Variants in ETFDH observed in about 807,000 individuals in gnomAD.
ETFDH encodes the protein electron transfer flavoprotein-ubiquinone oxidoreductase, mitochondrial.
ETFDH carries 61 observed loss-of-function variants against 73.2 expected under a neutral mutation model. The ratio of observed to expected loss-of-function variants is 0.83; its 90% CI spans 0.68 to 1.03. The LOEUF (loss-of-function observed/expected upper bound fraction) is 1.03, where lower values mean the gene tolerates loss of function less well. Among genes scored for constraint, ETFDH ranks in the 50% least tolerant of loss-of-function variants. The probability of loss-of-function intolerance (pLI) is 0.00; values close to 1 mark genes in which losing one functional copy is unlikely to be tolerated. For missense variants in ETFDH, 685 were observed against 745.0 expected, an observed-to-expected ratio of 0.92 and a Z score of 0.94; for synonymous variants, 243 against 253.3, an observed-to-expected ratio of 0.96 and a Z score of 0.39.
chr4:158,706,878 T>C (rs1297506462), intron 12 of ETFDH, 28 bp downstream of exon 12: 8 of 1,423,924 alleles, frequency 5.6e-6, no homozygotes, highest in Non-Finnish European at 7.9e-6. Flanking sequence ...TTCCTAAATA[T>C]TTGCTTTAAA....
intron 10 of ETFDH, 109 bp from the exon 11 acceptor site, chr4:158,706,080 C>A: frequency 2.5e-6 from 2 of 797,386 alleles, no homozygotes; most frequent in Non-Finnish European, 4.4e-6. Flanking sequence ...GACCTTGTCT[C>A]GAAAAAAGAA....
chr4:158,693,613 T>C (rs543409999), intron 6 of ETFDH, among the ~76,000 whole-genome samples: 1 of 152,336 alleles, frequency 6.6e-6, no homozygotes, highest in Admixed American at 6.5e-5. Context: ...GGTTTGCTGG[T>C]TGTTTCTTTC....
At chr4:158,691,021 TTATAA>T (rs1438632839) in intron 6 of ETFDH, among the ~76,000 whole-genome samples, 4 of 152,186 alleles carry the variant, frequency 2.6e-5, no homozygotes, top group Admixed American at 6.5e-5. Flanking sequence ...AGGCAAGTAG[TTATAA>T]TATGTTTAAA....
Position 158,689,849 on chromosome 4 carries a change from T to C in ETFDH, c.607-499T>C, listed in dbSNP as rs182046943. Among the ~76,000 whole-genome samples, 254 of 151,956 alleles carry C rather than the reference T, an allele frequency of 1.7e-3. 3 individuals are homozygous for C. Among genetic ancestry groups the C allele is most frequent in the Admixed American group, 0.015 (234 of 15,260 alleles). On this transcript the variant is annotated intron_variant, in intron 5 of 12. Transcript: ENST00000511912. ...ATTACACTTTTGACCTATTTTCCCCTTTTTTCTTGCTCCAAAAATAAACTT... is the reference window on the plus strand; with the variant it reads ...ATTACACTTTTGACCTATTTTCCCCCTTTTTCTTGCTCCAAAAATAAACTT...
intron 2 of ETFDH, 80 bp from the exon 3 acceptor site, chr4:158,682,115 A>G: frequency 2.5e-6 from 4 of 1,593,324 alleles, no homozygotes; most frequent in South Asian, 1.1e-5. Flanking sequence ...TCTAAAGCAC[A>G]GTGGATATTT....
chr4:158,702,372 C>CA (rs1334268931), intron 9 of ETFDH, among the ~76,000 whole-genome samples: 2 of 152,026 alleles, frequency 1.3e-5, no homozygotes, highest in African/African-American at 4.8e-5. Context: ...TTATTATAGT[C>CA]ACTCTACAGT....
At chr4:158,708,262 A>G in intron 12 of ETFDH, 102 bp from the exon 13 acceptor site, 1 of 817,520 alleles carries the variant, frequency 1.2e-6, no homozygotes, top group Non-Finnish European at 2.0e-6. Flanking sequence ...TCAGAAAGCA[A>G]CCTTTAAGGT....
At chr4:158,677,144 G>A (rs999925962) in intron 1 of ETFDH, among the ~76,000 whole-genome samples, 2 of 152,150 alleles carry the variant, frequency 1.3e-5, no homozygotes, top group African/African-American at 4.8e-5. Flanking sequence ...CCCAAGTGTT[G>A]ATGAAAAAGC....
intron 4 of ETFDH, 22 bp downstream of exon 4, chr4:158,684,695 T>C (rs1773957385): frequency 8.1e-7 from 1 of 1,227,712 alleles, no homozygotes; most frequent in Non-Finnish European, 1.2e-6. Flanking sequence ...TGAATATGCA[T>C]AGAACTATGG....
chr4:158,685,301 A>G, intron 5 of ETFDH, 82 bp downstream of exon 5: 2 of 800,256 alleles, frequency 2.5e-6, no homozygotes, highest in Admixed American at 1.9e-5. Flanking sequence ...AGTTGAAGAA[A>G]TAAATATTTT....
chr4:158,697,843 G>A, intron 8 of ETFDH, 144 bp downstream of exon 8: 1 of 755,020 alleles, frequency 1.3e-6, no homozygotes, highest in Non-Finnish European at 2.2e-6. Context: ...AAGTGCTTAT[G>A]GCTGCTGTGT....
chr4:158,686,466 T>C (rs1774007048), intron 5 of ETFDH, among the ~76,000 whole-genome samples: 1 of 152,210 alleles, frequency 6.6e-6, no homozygotes, highest in Non-Finnish European at 1.5e-5. Context: ...CAGAAGGGTA[T>C]GATCTAACGG....
Position 158,675,362 on chromosome 4 carries a change from A to G in ETFDH, c.34+2872A>G, listed in dbSNP as rs542002719. 1.4e-4 allele frequency among the ~76,000 whole-genome samples: 22 copies of G among 152,296 alleles called. 1 individual carries two copies. The South Asian group carries it at 4.6e-3, about 32-fold the overall frequency. ...TTCAAAGTTCTATGTGGTAGCATAT[A>G]TCAGTATTCAATTTCTTCTTATTGC... On this transcript the variant is annotated intron_variant, in intron 1 of 12. Coordinates refer to ENST00000511912, the MANE Select transcript of ETFDH (RefSeq NM_004453.4).
At position 158,682,174 on chromosome 4, in the gene ETFDH, C is replaced by T. The variant is rs1012458993; in HGVS notation, c.176-21C>T. ...TGTGATTATTGGGTTATATTAATCCCAGAATTTTTATTTCTCCCAGGAGTG... is the reference window on the plus strand; with the variant it reads ...TGTGATTATTGGGTTATATTAATCCTAGAATTTTTATTTCTCCCAGGAGTG... On this transcript the variant is annotated intron_variant, in intron 2 of 12. Transcript: ENST00000511912. The T allele has an allele frequency of 1.5e-5, 25 of 1,613,194 alleles. No individual in the cohort carries two copies. In the Admixed American group the frequency reaches 4.0e-4, roughly 26 times the overall value.
chr4:158,677,829 T>A (rs1773747639), intron 1 of ETFDH, among the ~76,000 whole-genome samples: 2 of 152,188 alleles, frequency 1.3e-5, no homozygotes, highest in Admixed American at 1.3e-4. Flanking sequence ...CTTTTTTGGG[T>A]TTCTTTGGAA....
chr4:158,682,701 T>C (rs528537736), intron 3 of ETFDH, among the ~76,000 whole-genome samples: 2 of 151,904 alleles, frequency 1.3e-5, no homozygotes, highest in Admixed American at 1.3e-4. Flanking sequence ...TCCCAGCTAA[T>C]TTTTTGTATT....
Position 158,709,247 on chromosome 4 carries a change from G to C in ETFDH, c.*720G>C, listed in dbSNP as rs1025522898. ...ACCATTTTAAAAAACATTTTACTTG[G>C]CCGGGCACGGTGGCTCACACCTGTA... On this transcript the variant is annotated 3_prime_UTR_variant, in exon 13 of 13. Transcript: ENST00000511912. The C allele has an allele frequency of 5.2e-5, 8 of 152,912 alleles. No homozygotes were observed. Among genetic ancestry groups the C allele is most frequent in the African/African-American group, 1.9e-4 (8 of 41,384 alleles). 9.5% of individuals were successfully genotyped at this position (152,912 alleles called of 1,614,324 possible).
intron 10 of ETFDH, among the ~76,000 whole-genome samples, chr4:158,705,452 C>A (rs1223253438): frequency 6.6e-6 from 1 of 152,148 alleles, no homozygotes; most frequent in African/African-American, 2.4e-5. Context: ...ATATCTACAG[C>A]CACTAATAAG....
intron 6 of ETFDH, among the ~76,000 whole-genome samples, chr4:158,691,487 G>C (rs1373804549): frequency 1.3e-5 from 2 of 152,120 alleles, no homozygotes; most frequent in Non-Finnish European, 2.9e-5. Flanking sequence ...ACCATACCTG[G>C]CTACTTTTTG....
Sources: allele counts gnomAD v4.1 joint callset (sites outside exome capture counted in the v4.1 genomes callset), GRCh38; gene constraint gnomAD v4.1.1; transcripts MANE v1.5; gene names NCBI Gene and HGNC (gene_info 2026-07-23, HGNC 2026-07-21).